The following PRKN variants were observed in gnomAD, a reference collection of about 807,000 sequenced individuals.
The protein encoded by PRKN is parkin RBR E3 ubiquitin protein ligase, also known as E3 ubiquitin-protein ligase parkin.
In PRKN, 56 loss-of-function variants were observed where a neutral mutation model predicts 59.5. The observed-to-expected ratio is 0.94, with a 90% CI of 0.76 to 1.18. PRKN has a LOEUF of 1.18. Among genes scored for constraint, PRKN ranks in the 50% most tolerant of loss-of-function variants. PRKN has a pLI of 0.00. For missense variants in PRKN, 657 were observed against 596.4 expected (o/e 1.10, Z -1.06); for synonymous variants, 250 against 222.1 (o/e 1.13, Z -1.12).
At chr6:161,590,389 G>A (rs1417671401) in intron 7 of PRKN, among the ~76,000 whole-genome samples, 1 of 152,046 alleles carries the variant, frequency 6.6e-6, no homozygotes, top group Non-Finnish European at 1.5e-5. Context: ...GTTGAGGTCG[G>A]GAGTTCGTGA....
chr6:161,492,013 A>C (rs1456387385), intron 9 of PRKN, among the ~76,000 whole-genome samples: 1 of 152,178 alleles, frequency 6.6e-6, no homozygotes, highest in Non-Finnish European at 1.5e-5. Context: ...GATTGTTGGG[A>C]GAATTAAGTA....
At chr6:162,009,311 G>GT (rs1782388220) in intron 5 of PRKN, among the ~76,000 whole-genome samples, 1 of 151,714 alleles carries the variant, frequency 6.6e-6, no homozygotes. Flanking sequence ...ACCTTGGAAG[G>GT]TAAGTGGAAA....
intron 5 of PRKN, among the ~76,000 whole-genome samples, chr6:161,991,005 A>G (rs1331166850): frequency 6.6e-6 from 1 of 152,222 alleles, no homozygotes; most frequent in African/African-American, 2.4e-5. Context: ...ACAGTAAGAG[A>G]AAAGTGTCAT....
At chr6:162,556,525 G>T (rs186565601) in intron 1 of PRKN, among the ~76,000 whole-genome samples, 34 of 151,756 alleles carry the variant, frequency 2.2e-4, no homozygotes, top group Middle Eastern at 6.8e-3. Context: ...GAGGCGGGGG[G>T]ATCACGAAAT....
chr6:161,737,440 A>T (rs1788010408), intron 7 of PRKN, among the ~76,000 whole-genome samples: 1 of 152,222 alleles, frequency 6.6e-6, no homozygotes, highest in Non-Finnish European at 1.5e-5. Context: ...GATATATAAG[A>T]CTTTAAAGCA....
intron 6 of PRKN, among the ~76,000 whole-genome samples, chr6:161,830,295 A>C (rs2128218491): frequency 6.7e-6 from 1 of 148,560 alleles, no homozygotes; most frequent in Middle Eastern, 3.5e-3. Context: ...TCTGTTGCCC[A>C]GGCTGGAGTG....
Position 161,475,962 on chromosome 6 carries a change from G to A in PRKN, c.1083+72892C>T, listed in dbSNP as rs1182521373. On this transcript the variant is annotated intron_variant, in intron 9 of 11. Transcript: ENST00000366898. The surrounding 1 kb of genome is among the most constrained non-coding windows in gnomAD (Gnocchi z 5.3). The stretch of plus-strand genomic sequence containing the variant: ...AGCATTTTGGGAGGCCAAGGTGGGC[G>A]GATCACGAGGTCAGGAGATGGAGAC... Among the ~76,000 whole-genome samples, 1 of 152,002 alleles carries A rather than the reference G, an allele frequency of 6.6e-6. No individual in the cohort carries two copies. Among genetic ancestry groups the A allele is most frequent in the Non-Finnish European group, 1.5e-5 (1 of 68,024 alleles).
chr6:162,687,975 TA>T (rs1562497897), intron 1 of PRKN, among the ~76,000 whole-genome samples: 1 of 151,902 alleles, frequency 6.6e-6, no homozygotes, highest in Admixed American at 6.6e-5. Flanking sequence ...GGATGTGGAG[TA>T]AAAAAAATTA....
chr6:162,540,426 T>C (rs1778882793), intron 1 of PRKN, among the ~76,000 whole-genome samples: 1 of 151,984 alleles, frequency 6.6e-6, no homozygotes, highest in Non-Finnish European at 1.5e-5. Flanking sequence ...ACCCCAATAA[T>C]ATAGGTAGGC....
intron 2 of PRKN, among the ~76,000 whole-genome samples, chr6:162,432,099 G>A (rs1474119381): frequency 6.6e-6 from 1 of 152,106 alleles, no homozygotes; most frequent in African/African-American, 2.4e-5. Context: ...AATAACCAAT[G>A]TATAATTGGT....
intron 2 of PRKN, among the ~76,000 whole-genome samples, chr6:162,353,484 A>T (rs1341915520): frequency 6.6e-6 from 1 of 152,172 alleles, no homozygotes; most frequent in Non-Finnish European, 1.5e-5. Flanking sequence ...GTTAAATTTT[A>T]AAAACTAAGT....
At chr6:162,139,835 A>G (rs940149190) in intron 4 of PRKN, among the ~76,000 whole-genome samples, 1 of 151,944 alleles carries the variant, frequency 6.6e-6, no homozygotes, top group African/African-American at 2.4e-5. Context: ...CCTGCCTGCA[A>G]GCCTACTTTG....
intron 6 of PRKN, among the ~76,000 whole-genome samples, chr6:161,901,181 C>T (rs764067999): frequency 1.2e-4 from 18 of 152,016 alleles, no homozygotes; most frequent in African/African-American, 7.2e-5. Flanking sequence ...GGTGATCCAC[C>T]GGCCTTGGCC....
At chr6:161,996,703 TA>T (rs1479369703) in intron 5 of PRKN, among the ~76,000 whole-genome samples, 1 of 152,252 alleles carries the variant, frequency 6.6e-6, no homozygotes, top group East Asian at 1.9e-4. Flanking sequence ...TTTACATAGA[TA>T]ACAACACTAT....
chr6:162,563,029 G>C (rs188322195), intron 1 of PRKN, among the ~76,000 whole-genome samples: 1 of 152,146 alleles, frequency 6.6e-6, no homozygotes, highest in Admixed American at 6.5e-5. Context: ...AGAGCCGGGC[G>C]CAGTGGCTCA....
At chr6:161,866,543 C>T (rs558444705) in intron 6 of PRKN, among the ~76,000 whole-genome samples, 1 of 152,140 alleles carries the variant, frequency 6.6e-6, no homozygotes, top group South Asian at 2.1e-4. Context: ...CCACTGCACT[C>T]TAGCCTGGGC....
chr6:161,788,455 C>T (rs755179434), intron 6 of PRKN, among the ~76,000 whole-genome samples: 4 of 152,174 alleles, frequency 2.6e-5, no homozygotes, highest in Admixed American at 6.5e-5. Flanking sequence ...GCTGCAGATG[C>T]GGTGGGTCCA....
chr6:161,685,883 A>T (rs1426516004), intron 7 of PRKN, among the ~76,000 whole-genome samples: 1 of 152,154 alleles, frequency 6.6e-6, no homozygotes, highest in Non-Finnish European at 1.5e-5. Context: ...ATACCCCCTT[A>T]AATTTTGTAC....
In PRKN at chr6:161,356,020, C is replaced by T. The variant is rs1256012981; in HGVS notation, c.1285+4068G>A. ...AGGCCTGAGCTGACGTCCAGGAGCT[C>T]TGGGGATGGGGCAGCTCTCAGGGTG... On this transcript the variant is annotated intron_variant, in intron 11 of 11. Coordinates refer to ENST00000366898, the MANE Select transcript of PRKN (RefSeq NM_004562.3). This position sits in a 1 kb window ranked among gnomAD's most constrained non-coding sequence, Gnocchi z 7.8. Among the ~76,000 whole-genome samples the T allele has an allele frequency of 1.3e-5, 2 of 152,168 alleles. No homozygotes were observed. Among genetic ancestry groups the T allele is most frequent in the Non-Finnish European group, 2.9e-5 (2 of 68,026 alleles).
Sources: gnomAD v4.1 joint callset for allele counts (sites outside exome capture counted in the v4.1 genomes callset) on GRCh38, gnomAD v4.1.1 for gene constraint, Gnocchi (gnomAD v3.1) non-coding constraint, MANE v1.5 for transcripts, NCBI Gene and HGNC (gene_info 2026-07-23, HGNC 2026-07-21) for gene names.